Variants in WDR5 observed in about 807,000 individuals in gnomAD.
WDR5 encodes the protein WD repeat domain 5.
For missense variants in WDR5, 187 were observed against 416.9 expected, an observed-to-expected ratio of 0.45 and a Z score of 4.80; for synonymous variants, 144 against 161.6, an observed-to-expected ratio of 0.89 and a Z score of 0.83.
chr9:134,141,933 G>A lies in WDR5; in HGVS notation c.265-16G>A. On this transcript the variant is annotated splice_polypyrimidine_tract_variant and intron_variant, in intron 4 of 13. Coordinates refer to ENST00000358625, the MANE Select transcript of WDR5 (RefSeq NM_017588.3). ...TTTGTCCTGTCAAGTTACTGACCCTGTTTTTTCTCCCCAAGGGAATATCCG... is the reference window on the plus strand; with the variant it reads ...TTTGTCCTGTCAAGTTACTGACCCTATTTTTTCTCCCCAAGGGAATATCCG... 1.2e-6 allele frequency: 2 copies of A among 1,613,460 alleles called. No individual in the cohort carries two copies. The highest frequency in any genetic ancestry group is 1.7e-6 in the Non-Finnish European group (2 of 1,179,470).
chr9:134,145,075 C>T (rs1397819186), intron 7 of WDR5, among the ~76,000 whole-genome samples: 6 of 142,430 alleles, frequency 4.2e-5, no homozygotes, highest in African/African-American at 1.6e-4. Context: ...GTCTCCACTG[C>T]AGAGAGGTTT....
intron 10 of WDR5, 127 bp from the exon 11 acceptor site, chr9:134,155,213 G>T: frequency 8.6e-7 from 1 of 1,158,182 alleles, no homozygotes; most frequent in South Asian, 2.0e-5. Flanking sequence ...TGGGGAAGGG[G>T]GTTCCAGCCC....
chr9:134,135,414 G>T (rs1831491216), upstream of WDR5: 1 of 152,242 alleles, frequency 6.6e-6, no homozygotes, highest in South Asian at 2.1e-4. Context: ...GAGCGGCCCT[G>T]CCAGTCCGCG....
At chr9:134,140,864 C>G (rs1467594861) in intron 3 of WDR5, 53 bp downstream of exon 3, 5 of 1,554,912 alleles carry the variant, frequency 3.2e-6, no homozygotes, top group Non-Finnish European at 4.4e-6. Flanking sequence ...GAGCTGCAGA[C>G]AAAAAGCTGG....
At chr9:134,142,115 T>A in intron 5 of WDR5, 77 bp downstream of exon 5, 1 of 1,318,536 alleles carries the variant, frequency 7.6e-7, no homozygotes, top group South Asian at 1.2e-5. Flanking sequence ...CTGAGTTGAC[T>A]GCTCAGTAAG....
At position 134,159,847 on chromosome 9, in the gene WDR5, G is replaced by A. The variant is rs1832914816; in HGVS notation, c.*1854G>A. On this transcript the variant is annotated 3_prime_UTR_variant, in exon 14 of 14. Coordinates refer to ENST00000358625, the MANE Select transcript of WDR5 (RefSeq NM_017588.3). The surrounding 1 kb of genome is among the most constrained non-coding windows in gnomAD (Gnocchi z 4.3). Reference sequence around the variant, plus strand: ...TGGGGGGACGGCCCACTCCGGGGAGGGGGTGTGCTGTGCTGAGCGCTGTAT... The same window carrying A: ...TGGGGGGACGGCCCACTCCGGGGAGAGGGTGTGCTGTGCTGAGCGCTGTAT... 6.6e-6 allele frequency: 1 copy of A among 152,180 alleles called. No individual in the cohort carries two copies. Among genetic ancestry groups the A allele is most frequent in the South Asian group, 2.1e-4 (1 of 4,836 alleles). 9.4% of individuals were successfully genotyped at this position (152,180 alleles called of 1,614,324 possible).
At chr9:134,140,834 G>A (rs1354514646) in intron 3 of WDR5, 23 bp downstream of exon 3, 13 of 1,603,880 alleles carry the variant, frequency 8.1e-6, no homozygotes, top group Non-Finnish European at 1.7e-6. Context: ...GAGGCCCTTA[G>A]CTGCTGGGAG....
chr9:134,153,740 TG>T (rs1420162377), intron 9 of WDR5, among the ~76,000 whole-genome samples: 1 of 138,080 alleles, frequency 7.2e-6, no homozygotes, highest in African/African-American at 3.1e-5. Context: ...TGCACGTGCT[TG>T]GGGGTCGGTG....
chr9:134,141,200 C>T (rs977014604), intron 3 of WDR5, among the ~76,000 whole-genome samples: 1 of 152,158 alleles, frequency 6.6e-6, no homozygotes, highest in Non-Finnish European at 1.5e-5. Context: ...GCAGGAGAAT[C>T]GCTTGAACCT....
chr9:134,154,566 G>A (rs1487006149), intron 10 of WDR5, 25 bp downstream of exon 10: 9 of 1,613,032 alleles, frequency 5.6e-6, no homozygotes, highest in East Asian at 2.2e-5. Context: ...GGACTGTGGG[G>A]GCGGGCATGT....
In WDR5 at chr9:134,158,055, G is replaced by T; in HGVS notation, c.*62G>T. On this transcript the variant is annotated 3_prime_UTR_variant, in exon 14 of 14. Coordinates refer to ENST00000358625, the MANE Select transcript of WDR5 (RefSeq NM_017588.3). ...GTTGACCCGGATTGGCAAGAAACAGGGTGTCTTGGAGGTGGTCCCCCAGAT... is the reference window on the plus strand; with the variant it reads ...GTTGACCCGGATTGGCAAGAAACAGTGTGTCTTGGAGGTGGTCCCCCAGAT... The T allele has an allele frequency of 1.3e-6, 2 of 1,510,482 alleles. No individual in the cohort carries two copies. Among genetic ancestry groups the T allele is most frequent in the Non-Finnish European group, 1.8e-6 (2 of 1,088,314 alleles). 93.6% of individuals were successfully genotyped at this position (1,510,482 alleles called of 1,614,324 possible). A position where few individuals can be genotyped will look rare whatever the true frequency, so the allele number is the denominator to read the frequency against.
chr9:134,141,911 G>A (rs1178538565), intron 4 of WDR5, 38 bp from the exon 5 acceptor site: 2 of 1,592,706 alleles, frequency 1.3e-6, no homozygotes, highest in Non-Finnish European at 1.7e-6. Context: ...GTCCTATTTT[G>A]TCCTGTCAAG....
intron 5 of WDR5, 79 bp from the exon 6 acceptor site, chr9:134,142,254 C>T (rs758209557): frequency 1.3e-4 from 194 of 1,477,656 alleles, no homozygotes; most frequent in Admixed American, 2.4e-4. Context: ...TTTGGGATGT[C>T]AGACATTGAT....
intron 12 of WDR5, 133 bp downstream of exon 12, chr9:134,155,900 G>C (rs1391329154): frequency 2.5e-5 from 21 of 833,512 alleles, no homozygotes; most frequent in Non-Finnish European, 4.0e-5. Context: ...TTCAACCAAA[G>C]CGCACTGCGC....
chr9:134,148,277 T>C lies in WDR5; in HGVS notation c.529-11T>C. 6.3e-7 allele frequency: 1 copy of C among 1,585,420 alleles called. No individual in the cohort carries two copies. ...AAGTTTTTGTCTCTTCTTCCTCTCC[T>C]TAATTCCTAGGTTCATTTTAATCGT... is the stretch of plus-strand genomic sequence containing the variant. On this transcript the variant is annotated splice_polypyrimidine_tract_variant and intron_variant, in intron 7 of 13. Coordinates refer to ENST00000358625, the MANE Select transcript of WDR5 (RefSeq NM_017588.3).
chr9:134,142,783 C>A, intron 7 of WDR5, 64 bp downstream of exon 7: 1 of 1,531,774 alleles, frequency 6.5e-7, no homozygotes, highest in Non-Finnish European at 9.0e-7. Context: ...TCGGATGTGG[C>A]CAGCTGTCTC....
chr9:134,155,499 G>T (rs1394490657), intron 11 of WDR5, 126 bp downstream of exon 11: 4 of 1,390,010 alleles, frequency 2.9e-6, no homozygotes, highest in Non-Finnish European at 3.9e-6. Flanking sequence ...GCTGGGTTTG[G>T]TGCGAATTCC....
At chr9:134,140,091 G>A (rs2132527480) in intron 2 of WDR5, 133 bp downstream of exon 2, 3 of 1,051,394 alleles carry the variant, frequency 2.9e-6, no homozygotes, top group South Asian at 1.5e-5. Context: ...TTTACTGACC[G>A]CATATCTGGC....
At chr9:134,145,291 G>A (rs1205024052) in intron 7 of WDR5, among the ~76,000 whole-genome samples, 5 of 151,988 alleles carry the variant, frequency 3.3e-5, no homozygotes, top group Non-Finnish European at 7.4e-5. Context: ...TAGAGACAGG[G>A]TTTCACCATG....
Sources: allele counts gnomAD v4.1 joint callset (sites outside exome capture counted in the v4.1 genomes callset), GRCh38; gene constraint gnomAD v4.1.1; non-coding constraint Gnocchi (gnomAD v3.1); transcripts MANE v1.5; gene names NCBI Gene and HGNC (gene_info 2026-07-23, HGNC 2026-07-21).